The following ERICH1 variants were observed in gnomAD, a reference collection of about 807,000 sequenced individuals.
ERICH1 encodes glutamate rich 1.
A neutral mutation model predicts 39.6 loss-of-function variants in ERICH1; 56 were observed. That is an observed-to-expected ratio of 1.41 (90% CI 1.14 to 1.77). ERICH1 has a LOEUF of 1.77. Among genes scored for constraint, ERICH1 ranks in the 40% most tolerant of loss-of-function variants. ERICH1 has a pLI of 0.00. For missense variants in ERICH1, 826 were observed against 575.4 expected (o/e 1.44, Z -4.45); for synonymous variants, 313 against 223.6 (o/e 1.40, Z -3.57).
Position 726,727 on chromosome 8 carries a change from G to T in ERICH1, c.22+4413C>A, listed in dbSNP as rs1478841402. Among the ~76,000 whole-genome samples the T allele has an allele frequency of 2.7e-5, 4 of 148,082 alleles. No individual in the cohort carries two copies. In the East Asian group the frequency reaches 8.0e-4, roughly 30 times the overall value. ...ACATGTACACACACAGGCACACACA[G>T]GCAAACAGATATGCATGTACACGCA... On this transcript the variant is annotated intron_variant, in intron 1 of 5. Coordinates refer to ENST00000262109, the MANE Select transcript of ERICH1 (RefSeq NM_207332.3).
chr8:615,061 A>G (rs1234909221), exon 4 of ERICH1: 2 of 584,138 alleles, frequency 3.4e-6, no homozygotes, highest in Non-Finnish European at 6.0e-6. Context: ...GCAGCCCTGT[A>G]CCCATCGGCC....
Position 697,592 on chromosome 8 carries a change from G to A in ERICH1, c.170-4980C>T, listed in dbSNP as rs543635732. Among the ~76,000 whole-genome samples the A allele has an allele frequency of 9.9e-5, 15 of 152,274 alleles. No individual in the cohort carries two copies. In the South Asian group the frequency reaches 3.1e-3, roughly 32 times the overall value. ...ACCTGGCACGGAGCTGGAGGCCTGAGGGTGGGTGAGGGGTCAGGGCAGGTT... is the reference window on the plus strand; with the variant it reads ...ACCTGGCACGGAGCTGGAGGCCTGAAGGTGGGTGAGGGGTCAGGGCAGGTT... On this transcript the variant is annotated intron_variant, in intron 2 of 5. Transcript: ENST00000262109.
rs898012914 is a variant in ERICH1, at chr8:622,105, T to G, written c.977-6821A>C. Among the ~76,000 whole-genome samples the G allele has an allele frequency of 3.3e-5, 5 of 152,266 alleles. No individual in the cohort carries two copies. In the Middle Eastern group the frequency reaches 0.01, roughly 311 times the overall value. On this transcript the variant is annotated intron_variant, in intron 3 of 3. Transcript: ENST00000522706. ...CGTGGTGGCATGTGCACCTGTAGTC[T>G]TAGCTACTTGGGAGACTGTGGCAGG...
chr8:636,808 G>A (rs1798475321), intron 3 of ERICH1, among the ~76,000 whole-genome samples: 1 of 152,230 alleles, frequency 6.6e-6, no homozygotes, highest in South Asian at 2.1e-4. Flanking sequence ...GGATGCTCTG[G>A]GCTCTGCCCT....
chr8:627,829 C>G (rs1030275341), intron 3 of ERICH1, among the ~76,000 whole-genome samples: 1 of 152,214 alleles, frequency 6.6e-6, no homozygotes, highest in African/African-American at 2.4e-5. Flanking sequence ...CAGCAAGGGT[C>G]TGACAGGCTG....
downstream of ERICH1, chr8:664,146 C>T (rs1801839557): frequency 2.9e-6 from 2 of 695,448 alleles, no homozygotes; most frequent in Non-Finnish European, 3.5e-6. Flanking sequence ...AAAACAGGTA[C>T]CTGATATGAT....
chr8:653,868 G>A (rs746547258), intron 3 of ERICH1, among the ~76,000 whole-genome samples: 12 of 135,428 alleles, frequency 8.9e-5, no homozygotes, highest in Admixed American at 3.2e-4. Flanking sequence ...CCACATGCGC[G>A]CAGGGGAATC....
At chr8:700,244 GGCCCGCACAC>G (rs1563298255) in intron 2 of ERICH1, among the ~76,000 whole-genome samples, 6 of 42,758 alleles carry the variant, frequency 1.4e-4, no homozygotes, top group South Asian at 1.2e-3. Context: ...GGCCCGCACA[GGCCCGCACAC>G]GCGCACAGGC....
At chr8:714,730 C>T (rs1317847885) in intron 2 of ERICH1, among the ~76,000 whole-genome samples, 11 of 95,638 alleles carry the variant, frequency 1.2e-4, no homozygotes, top group Non-Finnish European at 1.8e-4. Context: ...TGCACCCAGG[C>T]GGCCTCTTCC....
chr8:627,539 G>A (rs1387149063), intron 3 of ERICH1, among the ~76,000 whole-genome samples: 5 of 152,192 alleles, frequency 3.3e-5, no homozygotes, highest in Non-Finnish European at 5.9e-5. Flanking sequence ...TTTACAAAGC[G>A]TCAGTGCCTT....
chr8:711,426 C>T (rs542896578), intron 2 of ERICH1, among the ~76,000 whole-genome samples: 46 of 152,032 alleles, frequency 3.0e-4, no homozygotes, highest in African/African-American at 1.0e-3. Context: ...CTGCTGAACC[C>T]GAGGGCACCT....
rs1437350831 is a variant in ERICH1, at chr8:699,910, G to C, written c.170-7298C>G. ...CCGCACACGCGCACAGACCCGCACAGGCGCACAGGCCCGCACAGGCGCACA... is the reference window on the plus strand; with the variant it reads ...CCGCACACGCGCACAGACCCGCACACGCGCACAGGCCCGCACAGGCGCACA... On this transcript the variant is annotated intron_variant, in intron 2 of 5. Transcript: ENST00000262109. Among the ~76,000 whole-genome samples the C allele has an allele frequency of 4.5e-3, 251 of 56,130 alleles. 3 individuals carry two copies. Among genetic ancestry groups the C allele is most frequent in the African/African-American group, 7.6e-3 (120 of 15,794 alleles). The allele number at this position is 56,130 out of a possible 152,430, so 36.8% of individuals were successfully genotyped here.
downstream of ERICH1, among the ~76,000 whole-genome samples, chr8:663,207 G>A (rs1284599343): frequency 6.6e-6 from 1 of 152,250 alleles, no homozygotes; most frequent in Non-Finnish European, 1.5e-5. Flanking sequence ...CTGGAGGGAA[G>A]TGGCAGGACA....
chr8:681,057 G>C (rs543412241), intron 3 of ERICH1, among the ~76,000 whole-genome samples: 2 of 152,332 alleles, frequency 1.3e-5, no homozygotes, highest in African/African-American at 4.8e-5. Flanking sequence ...GCTGCCCAAA[G>C]CCACTAAAAA....
chr8:664,751 C>A, intron 5 of ERICH1, 75 bp from the exon 6 acceptor site: 1 of 1,284,376 alleles, frequency 7.8e-7, no homozygotes, highest in Non-Finnish European at 1.1e-6. Flanking sequence ...ATTATGTAGA[C>A]ACGAGCCTTT....
intron 3 of ERICH1, among the ~76,000 whole-genome samples, chr8:621,419 T>C (rs1169818235): frequency 6.6e-6 from 1 of 152,108 alleles, no homozygotes; most frequent in African/African-American, 2.4e-5. Context: ...TAGCTTGATA[T>C]AACCATTTAA....
At chr8:667,625 C>T (rs17752041) in intron 5 of ERICH1, 17,434 of 153,088 alleles carry the variant, frequency 0.11, 1,381 homozygotes, top group East Asian at 0.38. Flanking sequence ...CGGATGAGGG[C>T]GTTCTGCATG....
intron 3 of ERICH1, among the ~76,000 whole-genome samples, chr8:654,934 G>A (rs762210331): frequency 1.1e-4 from 17 of 152,336 alleles, no homozygotes; most frequent in South Asian, 2.1e-4. Flanking sequence ...CTTTGCTTGC[G>A]GTGACCAAAT....
chr8:662,388 C>G (rs142161522), downstream of ERICH1, among the ~76,000 whole-genome samples: 2 of 152,244 alleles, frequency 1.3e-5, no homozygotes, highest in Non-Finnish European at 2.9e-5. Context: ...GTGGCTCATA[C>G]CACTAATCCC....
Sources: allele counts gnomAD v4.1 joint callset (sites outside exome capture counted in the v4.1 genomes callset), GRCh38; gene constraint gnomAD v4.1.1; transcripts MANE v1.5; gene names NCBI Gene and HGNC (gene_info 2026-07-23, HGNC 2026-07-21).